The following NFIA variants were observed in gnomAD, a reference collection of about 807,000 sequenced individuals.
NFIA encodes the protein nuclear factor 1 A-type.
NFIA carries 8 observed loss-of-function variants against 62.8 expected under a neutral mutation model. The observed-to-expected ratio is 0.13, with a 90% CI of 0.07 to 0.23. The LOEUF is 0.23. NFIA is among the 10% of genes least tolerant of loss of function. The pLI is 1.00. For missense variants in NFIA, 410 were observed against 642.1 expected (o/e 0.64, Z 3.91); for synonymous variants, 235 against 238.1 (o/e 0.99, Z 0.12).
At chr1:61,148,980 C>T (rs1016327940) in intron 2 of NFIA, among the ~76,000 whole-genome samples, 1 of 152,102 alleles carries the variant, frequency 6.6e-6, no homozygotes, top group Middle Eastern at 3.2e-3. Context: ...TTAAGGGATC[C>T]TCCTGCCCCA....
At chr1:61,152,469 A>G (rs532684132) in intron 2 of NFIA, among the ~76,000 whole-genome samples, 6 of 152,326 alleles carry the variant, frequency 3.9e-5, no homozygotes, top group Admixed American at 2.6e-4. Context: ...AAGGCATCCT[A>G]TAAATAATGA....
At position 61,406,542 on chromosome 1, in the gene NFIA, T is replaced by TGGGGGGC; in HGVS notation, c.1255-19_1255-18insGGGGGCG. Reference sequence around the variant, plus strand: ...TTCTTTTTCTTGTACGTGTGTTTTCTGCCCCCCCCCCCCCCACAGCCCAAT... The same window carrying TGGGGGGC: ...TTCTTTTTCTTGTACGTGTGTTTTCTGGGGGGCGCCCCCCCCCCCCCCACAGCCCAAT... On this transcript the variant is annotated intron_variant, in intron 8 of 10. Coordinates refer to ENST00000403491, the MANE Select transcript of NFIA (RefSeq NM_001134673.4). 8.0e-7 allele frequency: 1 copy of TGGGGGGC among 1,253,828 alleles called. No homozygotes were observed. Among genetic ancestry groups the TGGGGGGC allele is most frequent in the Non-Finnish European group, 1.1e-6 (1 of 931,742 alleles). The allele number at this position is 1,253,828 out of a possible 1,614,324, so 77.7% of individuals were successfully genotyped here.
intron 2 of NFIA, among the ~76,000 whole-genome samples, chr1:61,119,518 GT>G (rs1042132390): frequency 1.3e-5 from 2 of 152,142 alleles, no homozygotes; most frequent in Admixed American, 6.5e-5. Context: ...GCATTGCACT[GT>G]TCTTCATTTT....
At chr1:61,213,396 A>G (rs1363671976) in intron 2 of NFIA, among the ~76,000 whole-genome samples, 1 of 152,184 alleles carries the variant, frequency 6.6e-6, no homozygotes, top group African/African-American at 2.4e-5. Context: ...TTCACATGAA[A>G]CAGACTGCAA....
rs754125128 is a variant in NFIA, at chr1:61,406,717, C to G, written c.1410C>G (p.Pro470=). The G allele has an allele frequency of 8.7e-6, 14 of 1,608,430 alleles. No homozygotes were observed. The highest frequency in any genetic ancestry group is 1.6e-4 in the Middle Eastern group (1 of 6,070). The stretch of plus-strand genomic sequence containing the variant: ...CAACAGAAGGAGGTGCAGCCTCCCC[C>G]ACGTCACCAAGTAAGTATGGCTGCG... ...TTSTEGGAAS[P]TSPTYSTPST... Residue 470 remains proline, a synonymous_variant, in exon 9 of 11, where the codon CCC becomes CCG. Coordinates refer to ENST00000403491, the MANE Select transcript of NFIA (RefSeq NM_001134673.4).
intron 2 of NFIA, among the ~76,000 whole-genome samples, chr1:61,141,586 A>G (rs1427256389): frequency 6.6e-6 from 1 of 152,246 alleles, no homozygotes; most frequent in Non-Finnish European, 1.5e-5. Context: ...AGAAAAAGGA[A>G]TACTAACATT....
intron 2 of NFIA, among the ~76,000 whole-genome samples, chr1:61,226,804 A>G (rs1408293334): frequency 6.6e-6 from 1 of 152,212 alleles, no homozygotes; most frequent in African/African-American, 2.4e-5. Flanking sequence ...AATCTAAGCC[A>G]TATGTATTGG....
In NFIA at chr1:61,406,685, A is replaced by G. The variant is rs1665852816; in HGVS notation, c.1378A>G (p.Thr460Ala). The change falls in exon 9 of 11, where the codon ACC becomes GCC. Residue 460 changes from threonine (T) to alanine (A), a missense_variant. Physicochemically the swap from Thr to Ala is moderately conservative, Grantham distance 58 (BLOSUM62 0). Around this residue, in one of 3 missense-constraint regions of NFIA, gnomAD observed 298 missense variants for 438.1 expected, o/e 0.68. Transcript: ENST00000403491. ...GCCGGTGCCAGACACAAAGCCTCCA[A>G]CCACGTCAACAGAAGGAGGTGCAGC... ...PLPVPDTKPP[T>A]TSTEGGAASP... The G allele has an allele frequency of 1.2e-6, 2 of 1,612,818 alleles. No individual in the cohort carries two copies. The highest frequency in any genetic ancestry group is 1.7e-6 in the Non-Finnish European group (2 of 1,179,552).
chr1:61,130,050 TC>T (rs1304255688), intron 2 of NFIA, among the ~76,000 whole-genome samples: 2 of 152,150 alleles, frequency 1.3e-5, no homozygotes, highest in Non-Finnish European at 2.9e-5. Context: ...TTTCTTTTTT[TC>T]CAGATAGCTA....
chr1:61,437,892 A>G (rs1409647872), intron 10 of NFIA, among the ~76,000 whole-genome samples: 1 of 152,202 alleles, frequency 6.6e-6, no homozygotes, highest in African/African-American at 2.4e-5. Flanking sequence ...CGGCAGAAAC[A>G]TTAGATCAGA....
intron 2 of NFIA, among the ~76,000 whole-genome samples, chr1:61,184,349 C>A (rs1474075521): frequency 6.6e-6 from 1 of 152,228 alleles, no homozygotes; most frequent in Non-Finnish European, 1.5e-5. Context: ...GCCACGAGGG[C>A]ACGCACAGCC....
chr1:61,200,030 A>ACACATATATATGTATATATATG (rs1557631866), intron 2 of NFIA, among the ~76,000 whole-genome samples: 1 of 42,886 alleles, frequency 2.3e-5, no homozygotes, highest in African/African-American at 1.1e-4. Flanking sequence ...ATATATATAT[A>ACACATATATATGTATATATATG]TATATATATA....
intron 3 of NFIA, among the ~76,000 whole-genome samples, chr1:61,325,559 A>G (rs1436682969): frequency 6.6e-6 from 1 of 152,216 alleles, no homozygotes; most frequent in Non-Finnish European, 1.5e-5. Flanking sequence ...CCATGGGGAC[A>G]TATTATAAAC....
chr1:61,151,414 T>G (rs1296334910), intron 2 of NFIA, among the ~76,000 whole-genome samples: 1 of 145,800 alleles, frequency 6.9e-6, no homozygotes, highest in African/African-American at 2.5e-5. Flanking sequence ...TTATCATAGG[T>G]AAGGGAAGAC....
At chr1:61,216,579 C>T (rs554732843) in intron 2 of NFIA, among the ~76,000 whole-genome samples, 1 of 152,296 alleles carries the variant, frequency 6.6e-6, no homozygotes, top group African/African-American at 2.4e-5. Context: ...TGATTGATTG[C>T]TCAGGTAAAT....
intron 2 of NFIA, among the ~76,000 whole-genome samples, chr1:61,137,858 G>T (rs951546490): frequency 1.3e-5 from 2 of 152,022 alleles, no homozygotes; most frequent in Non-Finnish European, 1.5e-5. Context: ...AGTTGTGATA[G>T]ATGTTGTTTA....
In NFIA at chr1:61,367,032, G is replaced by A. The variant is rs544662804; in HGVS notation, c.946+7758G>A. ...AAAGGCATCTGTCAAAGAATATTTC[G>A]GTAAACATCTGGTCAGTCAGCGACC... On this transcript the variant is annotated intron_variant, in intron 6 of 10. Coordinates refer to ENST00000403491, the MANE Select transcript of NFIA (RefSeq NM_001134673.4). Among the ~76,000 whole-genome samples the A allele has an allele frequency of 3.3e-5, 5 of 152,266 alleles. No individual in the cohort carries two copies. The South Asian group carries it at 6.2e-4, about 19-fold the overall frequency.
rs1306707216 is a variant in NFIA at position 61,458,149 on chromosome 1, C to G, written c.*2829C>G. 6.7e-6 allele frequency: 1 copy of G among 149,960 alleles called. No individual in the cohort carries two copies. Among genetic ancestry groups the G allele is most frequent in the African/African-American group, 2.5e-5 (1 of 40,556 alleles). 9.3% of individuals were successfully genotyped at this position (149,960 alleles called of 1,614,324 possible). A position where few individuals can be genotyped will look rare whatever the true frequency, so the allele number is the denominator to read the frequency against. ...GCATACTTTGCCTTCCCCTATAGCA[C>G]TTAGCTGGGCATTACTTTATTATGA... On this transcript the variant is annotated 3_prime_UTR_variant, in exon 11 of 11. Transcript: ENST00000403491.
At chr1:61,378,839 T>C (rs1664272449) in intron 6 of NFIA, among the ~76,000 whole-genome samples, 1 of 152,178 alleles carries the variant, frequency 6.6e-6, no homozygotes, top group Non-Finnish European at 1.5e-5. Flanking sequence ...GGGGCCCCAC[T>C]CAGCTCCCAG....
Sources: allele counts gnomAD v4.1 joint callset (sites outside exome capture counted in the v4.1 genomes callset), GRCh38; gene constraint gnomAD v4.1.1; regional missense constraint gnomAD v4.1.1; transcripts MANE v1.5; gene names NCBI Gene and HGNC (gene_info 2026-07-23, HGNC 2026-07-21).